The following ZNF385D variants were observed in gnomAD, a reference collection of about 807,000 sequenced individuals.
ZNF385D encodes zinc finger protein 659.
A neutral mutation model predicts 35.8 loss-of-function variants in ZNF385D; 15 were observed. The observed-to-expected ratio is 0.42, with a 90% CI of 0.28 to 0.64. The LOEUF is 0.64. Ranked by LOEUF, ZNF385D falls within the 30% of genes least tolerant of loss-of-function variation. ZNF385D has a pLI of 0.23. For missense variants in ZNF385D, 474 were observed against 494.6 expected (o/e 0.96, Z 0.39); for synonymous variants, 212 against 186.8 (o/e 1.13, Z -1.10).
At chr3:21,560,419 A>G (rs559167061) in intron 3 of ZNF385D, among the ~76,000 whole-genome samples, 10 of 152,192 alleles carry the variant, frequency 6.6e-5, no homozygotes, top group African/African-American at 2.4e-4. Flanking sequence ...CCTCTGCTGC[A>G]GGTTTGCTAG....
chr3:21,827,540 A>C (rs965771455), intron 3 of ZNF385D, among the ~76,000 whole-genome samples: 1 of 152,184 alleles, frequency 6.6e-6, no homozygotes, highest in African/African-American at 2.4e-5. Context: ...GCCACATGCT[A>C]TACTAGAATG....
chr3:21,467,804 C>T (rs994988900), intron 4 of ZNF385D, among the ~76,000 whole-genome samples: 1 of 152,058 alleles, frequency 6.6e-6, no homozygotes, highest in Non-Finnish European at 1.5e-5. Flanking sequence ...CTGGTATTTG[C>T]ATGTGGTATG....
Position 21,669,922 on chromosome 3 carries a change from C to CATA in ZNF385D, c.23-4897_23-4895dup, listed in dbSNP as rs201165292. On this transcript the variant is annotated intron_variant, in intron 1 of 7. Transcript: ENST00000281523. ...CATGAGAGTGCGGTGGTTTTCTCTC[C>CATA]ATAATACAACGCTTTTAACCTTGAA... Among the ~76,000 whole-genome samples the CATA allele has an allele frequency of 8.6e-3, 1,314 of 152,198 alleles. 9 individuals are homozygous for CATA. The highest frequency in any genetic ancestry group is 0.03 in the African/African-American group (1,233 of 41,518).
At chr3:22,250,295 A>G (rs555782923) in intron 2 of ZNF385D, among the ~76,000 whole-genome samples, 28 of 152,058 alleles carry the variant, frequency 1.8e-4, no homozygotes, top group African/African-American at 6.7e-4. Flanking sequence ...CTTTTTATTT[A>G]TTTTTCTAAT....
intron 3 of ZNF385D, among the ~76,000 whole-genome samples, chr3:21,763,269 C>A (rs956907478): frequency 2.0e-5 from 3 of 152,122 alleles, no homozygotes; most frequent in Non-Finnish European, 2.9e-5. Context: ...TGGCTCCGAG[C>A]TGTCAGGTCT....
intron 1 of ZNF385D, among the ~76,000 whole-genome samples, chr3:21,729,235 A>T: frequency 6.6e-6 from 1 of 152,348 alleles, no homozygotes; most frequent in Middle Eastern, 3.4e-3. Flanking sequence ...ACCTTGAGGC[A>T]TAAAGACATA....
rs541385569 is a variant in ZNF385D, at chr3:22,103,777, C to T, written c.325+65040G>A. 4.6e-5 allele frequency among the ~76,000 whole-genome samples: 7 copies of T among 151,064 alleles called. No individual in the cohort carries two copies. The East Asian group carries it at 1.4e-3, about 29-fold the overall frequency. ...GGTTGTGGCAGGAAAACCCAGTCCTCTAATGGCCCAGTATCAGAATGGCAA... is the reference window on the plus strand; with the variant it reads ...GGTTGTGGCAGGAAAACCCAGTCCTTTAATGGCCCAGTATCAGAATGGCAA... On this transcript the variant is annotated intron_variant, in intron 3 of 5. Coordinates refer to the ZNF385D transcript ENST00000494108.
At chr3:21,752,018 C>CA (rs2070125004), upstream of ZNF385D, among the ~76,000 whole-genome samples, 1 of 124,934 alleles carries the variant, frequency 8.0e-6, no homozygotes, top group Non-Finnish European at 1.7e-5. Flanking sequence ...CCCCCCTCCC[C>CA]CCCCCACCAC....
At chr3:21,762,622 A>T (rs1206309380) in intron 3 of ZNF385D, among the ~76,000 whole-genome samples, 1 of 152,134 alleles carries the variant, frequency 6.6e-6, no homozygotes, top group African/African-American at 2.4e-5. Flanking sequence ...ATCTCATCTC[A>T]TAATGTCGGC....
At chr3:21,901,419 T>C (rs1699407032) in intron 3 of ZNF385D, among the ~76,000 whole-genome samples, 1 of 152,120 alleles carries the variant, frequency 6.6e-6, no homozygotes, top group South Asian at 2.1e-4. Context: ...TTCCTGTCTC[T>C]CAAAAAGTAC....
At chr3:22,358,394 T>C (rs535368863) in intron 2 of ZNF385D, among the ~76,000 whole-genome samples, 6 of 152,018 alleles carry the variant, frequency 3.9e-5, no homozygotes, top group African/African-American at 1.4e-4. Context: ...AGCTTCATTT[T>C]TGAACAAAAT....
rs1699492025 is a variant in ZNF385D at position 22,241,503 on chromosome 3, G to C, written c.107-72468C>G. Among the ~76,000 whole-genome samples, 4 of 151,272 alleles carry C rather than the reference G, an allele frequency of 2.6e-5. 1 individual carries two copies. Among genetic ancestry groups the C allele is most frequent in the Non-Finnish European group, 5.9e-5 (4 of 67,978 alleles). ...GACTCAGTTTCCAAATCGTGGACAA[G>C]ATTGATTTTGTGTATTCTGTATAGA... is the stretch of plus-strand genomic sequence containing the variant. On this transcript the variant is annotated intron_variant, in intron 2 of 5. Coordinates refer to the ZNF385D transcript ENST00000494108.
intron 3 of ZNF385D, among the ~76,000 whole-genome samples, chr3:21,801,342 G>A (rs548384394): frequency 1.3e-5 from 2 of 152,220 alleles, no homozygotes; most frequent in Admixed American, 1.3e-4. Flanking sequence ...CCCATAGAAT[G>A]AGTTAGGAAG....
intron 3 of ZNF385D, among the ~76,000 whole-genome samples, chr3:21,555,433 G>A (rs780916341): frequency 6.6e-6 from 1 of 151,964 alleles, no homozygotes; most frequent in Non-Finnish European, 1.5e-5. Context: ...TGTTCTCATT[G>A]TTCAGCTCCC....
chr3:21,450,487 CTT>C (rs1702392702), intron 4 of ZNF385D, among the ~76,000 whole-genome samples: 2 of 152,100 alleles, frequency 1.3e-5, no homozygotes, highest in African/African-American at 2.4e-5. Flanking sequence ...TAATTAAAAA[CTT>C]TTTTCAAGTT....
intron 2 of ZNF385D, among the ~76,000 whole-genome samples, chr3:22,170,026 A>G (rs1255411024): frequency 6.6e-6 from 1 of 152,222 alleles, no homozygotes; most frequent in Non-Finnish European, 1.5e-5. Context: ...TAAGTAATTT[A>G]AAATAATAAT....
chr3:22,354,886 T>C (rs1340652794), intron 2 of ZNF385D, among the ~76,000 whole-genome samples: 6 of 151,968 alleles, frequency 3.9e-5, no homozygotes, highest in African/African-American at 1.4e-4. Context: ...ACTAACCACA[T>C]TTCAAATGCT....
intron 3 of ZNF385D, among the ~76,000 whole-genome samples, chr3:22,151,104 T>G (rs1163699037): frequency 1.3e-5 from 2 of 152,210 alleles, no homozygotes; most frequent in Admixed American, 1.3e-4. Flanking sequence ...ACTCTGGATG[T>G]GTCTTCCCTT....
At chr3:21,613,195 C>T (rs1244144140) in intron 2 of ZNF385D, among the ~76,000 whole-genome samples, 4 of 151,810 alleles carry the variant, frequency 2.6e-5, no homozygotes, top group Non-Finnish European at 5.9e-5. Context: ...AGGAAAGTAA[C>T]GGTAAACCAC....
Sources: gnomAD v4.1 joint callset for allele counts (sites outside exome capture counted in the v4.1 genomes callset) on GRCh38, gnomAD v4.1.1 for gene constraint, MANE v1.5 for transcripts, NCBI Gene and HGNC (gene_info 2026-07-23, HGNC 2026-07-21) for gene names.